Variants in NTM observed in about 807,000 individuals in gnomAD.
NTM encodes the protein IgLON family member 2.
A neutral mutation model predicts 42.1 loss-of-function variants in NTM; 13 were observed. The ratio of observed to expected loss-of-function variants is 0.31; its 90% CI spans 0.20 to 0.49. The LOEUF (loss-of-function observed/expected upper bound fraction) is 0.49. NTM is among the 20% of genes least tolerant of loss of function. The pLI, the probability that NTM is intolerant of heterozygous loss-of-function variation, is 0.99. For missense variants in NTM, 373 were observed against 452.8 expected (o/e 0.82, Z 1.60); for synonymous variants, 187 against 179.2 (o/e 1.04, Z -0.35).
chr11:131,562,403 C>T (rs2056349613), intron 1 of NTM, among the ~76,000 whole-genome samples: 1 of 152,166 alleles, frequency 6.6e-6, no homozygotes, highest in South Asian at 2.1e-4. Context: ...ATGTCAGCAG[C>T]ACCCAAGACG....
intron 1 of NTM, among the ~76,000 whole-genome samples, chr11:131,440,718 T>G (rs1245185610): frequency 2.0e-5 from 3 of 150,490 alleles, no homozygotes; most frequent in African/African-American, 7.4e-5. Flanking sequence ...GCAGTTTAGC[T>G]CTCAGGTTCC....
chr11:131,589,170 TG>T lies in NTM; in HGVS notation c.82+218283del, dbSNP rs199682875. Among the ~76,000 whole-genome samples the T allele has an allele frequency of 9.1e-4, 116 of 127,368 alleles. 1 individual carries two copies. Among genetic ancestry groups the T allele is most frequent in the Middle Eastern group, 3.7e-3 (1 of 272 alleles). The allele number at this position is 127,368 out of a possible 152,430, so 83.6% of individuals were successfully genotyped here. ...ATGCCACTCTTAACCTGGAAAAATG[TG>T]TGTGTGTGTGTGTGTGTGTGTGTGT... On this transcript the variant is annotated intron_variant, in intron 1 of 8. Transcript: ENST00000683400.
Position 132,282,976 on chromosome 11 carries a change from C to CTTTTTTTTTTTTTTTTTTTTT in NTM, c.527-24708_527-24688dup, listed in dbSNP as rs142817071. 1.1e-3 allele frequency among the ~76,000 whole-genome samples: 121 copies of CTTTTTTTTTTTTTTTTTTTTT among 108,962 alleles called. 7 individuals carry two copies. Among genetic ancestry groups the CTTTTTTTTTTTTTTTTTTTTT allele is most frequent in the South Asian group, 2.2e-3 (7 of 3,130 alleles). The allele number at this position is 108,962 out of a possible 152,430, so 71.5% of individuals were successfully genotyped here. On this transcript the variant is annotated intron_variant, in intron 4 of 8. Coordinates refer to ENST00000683400, the MANE Select transcript of NTM (RefSeq NM_001352005.2). The stretch of plus-strand genomic sequence containing the variant: ...AATGAAACGGGAAATTCCTTTATTC[C>CTTTTTTTTTTTTTTTTTTTTT]TTTTTTTTTTTTTTTTTTTTTTTTT...
At chr11:132,054,673 A>G (rs903151319) in intron 2 of NTM, among the ~76,000 whole-genome samples, 2 of 152,206 alleles carry the variant, frequency 1.3e-5, no homozygotes, top group African/African-American at 4.8e-5. Context: ...GTCAATCTAG[A>G]CCCAAAGAAA....
chr11:131,474,236 A>G (rs1952708325), intron 1 of NTM, among the ~76,000 whole-genome samples: 1 of 152,146 alleles, frequency 6.6e-6, no homozygotes, highest in Non-Finnish European at 1.5e-5. Context: ...CCTTTGTAAC[A>G]GTTGACACAG....
chr11:131,883,875 G>A (rs2049944066), intron 1 of NTM, among the ~76,000 whole-genome samples: 1 of 152,136 alleles, frequency 6.6e-6, no homozygotes, highest in African/African-American at 2.4e-5. Flanking sequence ...TGCTTTTCAT[G>A]GCCAGATGGC....
At chr11:131,447,939 T>A (rs1315645108) in intron 1 of NTM, among the ~76,000 whole-genome samples, 2 of 152,184 alleles carry the variant, frequency 1.3e-5, no homozygotes, top group Non-Finnish European at 2.9e-5. Context: ...TACTTCTGCG[T>A]CTTGGGCAGT....
chr11:131,753,792 A>G (rs2082905991), intron 1 of NTM, among the ~76,000 whole-genome samples: 1 of 151,926 alleles, frequency 6.6e-6, no homozygotes, highest in Admixed American at 6.6e-5. Flanking sequence ...ACCTAATGCT[A>G]AATGACGAAT....
intron 4 of NTM, among the ~76,000 whole-genome samples, chr11:132,238,047 C>A (rs762669232): frequency 6.6e-6 from 1 of 152,168 alleles, no homozygotes; most frequent in African/African-American, 2.4e-5. Flanking sequence ...TTACAGCAGA[C>A]AGGATCTTGG....
rs528337712 is a variant in NTM at position 131,891,741 on chromosome 11, A to G, written c.83-19823A>G. On this transcript the variant is annotated intron_variant, in intron 1 of 8. Coordinates refer to ENST00000683400, the MANE Select transcript of NTM (RefSeq NM_001352005.2). ...TGGACAACAAATGCTGCCTTTTCTG[A>G]TATTCAGAAGTGAGATAAATGGCAG... Among the ~76,000 whole-genome samples the G allele has an allele frequency of 4.5e-4, 68 of 152,278 alleles. 1 individual carries two copies. The highest frequency in any genetic ancestry group is 1.6e-3 in the African/African-American group (67 of 41,560).
At position 131,758,920 on chromosome 11, in the gene NTM, G is replaced by A. The variant is rs761617170; in HGVS notation, c.83-152644G>A. Among the ~76,000 whole-genome samples, 4 of 152,114 alleles carry A rather than the reference G, an allele frequency of 2.6e-5. No individual in the cohort carries two copies. The East Asian group carries it at 5.8e-4, about 22-fold the overall frequency. On this transcript the variant is annotated intron_variant, in intron 1 of 8. Coordinates refer to ENST00000683400, the MANE Select transcript of NTM (RefSeq NM_001352005.2). ...TGCATATTTTCTTAAAGCCTGTACC[G>A]GCCTAGATGATTCATCAAAGAAGCC...
At chr11:131,559,146 T>C (rs1468709534) in intron 1 of NTM, among the ~76,000 whole-genome samples, 4 of 152,202 alleles carry the variant, frequency 2.6e-5, no homozygotes, top group Admixed American at 6.5e-5. Flanking sequence ...TTTGTTTACT[T>C]CCCACGGCCA....
intron 2 of NTM, among the ~76,000 whole-genome samples, chr11:132,133,446 T>C (rs567664616): frequency 8.3e-4 from 127 of 152,320 alleles, no homozygotes; most frequent in Non-Finnish European, 1.1e-3. Context: ...GGCAAATAAA[T>C]GGGCATATAA....
intron 1 of NTM, among the ~76,000 whole-genome samples, chr11:131,901,313 A>G (rs1384641138): frequency 1.3e-5 from 2 of 152,212 alleles, no homozygotes; most frequent in African/African-American, 2.4e-5. Flanking sequence ...CTGTCTCTTC[A>G]TCGACTGCCT....
intron 1 of NTM, among the ~76,000 whole-genome samples, chr11:131,891,560 C>G (rs541691275): frequency 3.3e-5 from 5 of 152,170 alleles, no homozygotes; most frequent in African/African-American, 4.8e-5. Context: ...CCTGAGCAAG[C>G]AGCTCTCCAG....
chr11:131,758,581 T>C (rs996392778), intron 1 of NTM, among the ~76,000 whole-genome samples: 8 of 151,846 alleles, frequency 5.3e-5, no homozygotes, highest in East Asian at 1.9e-4. Context: ...TCCTTCCTTT[T>C]TTTCTTTCTT....
intron 1 of NTM, chr11:131,774,133 T>A (rs1419193259): frequency 1.0e-6 from 1 of 984,890 alleles, no homozygotes; most frequent in Non-Finnish European, 1.2e-6. Flanking sequence ...ATCAGCGAAT[T>A]CTTCATAAAT....
In NTM at chr11:131,930,493, CT is replaced by C. The variant is rs1425039083; in HGVS notation, c.167+18849del. On this transcript the variant is annotated intron_variant, in intron 2 of 8. Coordinates refer to ENST00000683400, the MANE Select transcript of NTM (RefSeq NM_001352005.2). ...ATGCATATTATTGCATAGTATTTTCCTTTTGTTATGAAATATTTTATATACC... is the reference window on the plus strand; with the variant it reads ...ATGCATATTATTGCATAGTATTTTCCTTTGTTATGAAATATTTTATATACC... Among the ~76,000 whole-genome samples the C allele has an allele frequency of 3.9e-5, 6 of 152,268 alleles. No homozygotes were observed. The South Asian group carries it at 8.3e-4, about 21-fold the overall frequency.
At chr11:131,642,862 T>G (rs1000953939) in intron 1 of NTM, among the ~76,000 whole-genome samples, 1 of 152,160 alleles carries the variant, frequency 6.6e-6, no homozygotes, top group Non-Finnish European at 1.5e-5. Context: ...CTCTGCTACC[T>G]GACTTGACTC....
Sources: gnomAD v4.1 joint callset for allele counts (sites outside exome capture counted in the v4.1 genomes callset) on GRCh38, gnomAD v4.1.1 for gene constraint, MANE v1.5 for transcripts, NCBI Gene and HGNC (gene_info 2026-07-23, HGNC 2026-07-21) for gene names.